Variants in KIF13B observed in about 807,000 individuals in gnomAD.
KIF13B encodes kinesin family member 13B.
KIF13B carries 127 observed loss-of-function variants against 222.0 expected under a neutral mutation model. That is an observed-to-expected ratio of 0.57 (90% CI 0.50 to 0.66). KIF13B has a LOEUF of 0.66. Among genes scored for constraint, KIF13B ranks in the 30% least tolerant of loss-of-function variants. The pLI, the probability that KIF13B is intolerant of heterozygous loss-of-function variation, is 0.00. For synonymous variants in KIF13B, 976 were observed against 919.0 expected (o/e 1.06, Z -1.12); for missense variants, 2,173 against 2,379.0 (o/e 0.91, Z 1.80).
chr8:29,192,581 C>T lies in KIF13B; in HGVS notation c.163-1524G>A, dbSNP rs562459018. 5.3e-5 allele frequency among the ~76,000 whole-genome samples: 8 copies of T among 152,236 alleles called. No homozygotes were observed. The East Asian group carries it at 5.8e-4, about 11-fold the overall frequency. On this transcript the variant is annotated intron_variant, in intron 3 of 39. Transcript: ENST00000524189. ...TGTTTTTGAGTTTGATTACATGATTCGCACATTCTAAAATATTTTATCTAT... is the reference window on the plus strand; with the variant it reads ...TGTTTTTGAGTTTGATTACATGATTTGCACATTCTAAAATATTTTATCTAT...
intron 1 of KIF13B, among the ~76,000 whole-genome samples, chr8:29,247,046 A>G (rs981625033): frequency 2.6e-5 from 4 of 152,212 alleles, no homozygotes; most frequent in African/African-American, 9.7e-5. Flanking sequence ...ATGAACACCC[A>G]AAACACAGAC....
intron 19 of KIF13B, among the ~76,000 whole-genome samples, chr8:29,141,227 G>A (rs1189874871): frequency 3.3e-5 from 5 of 151,944 alleles, no homozygotes; most frequent in Admixed American, 2.0e-4. Flanking sequence ...CCAGCTACTC[G>A]GGAGGCTGAG....
At chr8:29,163,747 C>A (rs1003727713) in intron 12 of KIF13B, among the ~76,000 whole-genome samples, 23 of 152,280 alleles carry the variant, frequency 1.5e-4, no homozygotes, top group Admixed American at 1.5e-3. Flanking sequence ...GGCAGTGCCC[C>A]CAGAAGGGAC....
intron 27 of KIF13B, among the ~76,000 whole-genome samples, 152 bp from the exon 28 acceptor site, chr8:29,123,644 T>C (rs1371299830): frequency 6.6e-6 from 1 of 152,258 alleles, no homozygotes; most frequent in Non-Finnish European, 1.5e-5. Context: ...AGAGGTCAGA[T>C]GGGCTCCTGC....
In KIF13B at chr8:29,146,525, A is replaced by G. The variant is rs779774484; in HGVS notation, c.2040T>C (p.Asn680=). 3 of 1,613,584 alleles carry G rather than the reference A, an allele frequency of 1.9e-6. No individual in the cohort carries two copies. Among genetic ancestry groups the G allele is most frequent in the Admixed American group, 3.3e-5 (2 of 59,974 alleles). ...QWAEEREATL[N]NSLMRLREQI... ...GTTCCCTCAGCCTCATCAGGCTGTT[A>G]TTCAACGTTGCTTCTCTAAAAAAAA... The change falls in exon 18 of 40, where the codon AAT becomes AAC. Residue 680 remains asparagine, a synonymous_variant. Coordinates refer to ENST00000524189, the MANE Select transcript of KIF13B (RefSeq NM_015254.4).
intron 12 of KIF13B, 74 bp from the exon 13 acceptor site, chr8:29,160,941 A>G: frequency 1.6e-6 from 2 of 1,263,036 alleles, no homozygotes; most frequent in Non-Finnish European, 2.3e-6. Context: ...TTACATTACA[A>G]TGTTACAATT....
At position 29,245,419 on chromosome 8, in the gene KIF13B, A is replaced by G. The variant is rs747627167; in HGVS notation, c.76T>C (p.Cys26Arg). The change falls in exon 2 of 40, where the codon TGT becomes CGT. Residue 26 changes from cysteine to arginine, a missense_variant. Transcript: ENST00000524189. ...NRRETDLHTK[C>R]VVDVDANKVI... ...TTGTTTGCATCCACATCCACCACAC[A>G]TTTGGTATGCAAGTCAGTCTCTGTG... The G allele has an allele frequency of 2.5e-6, 4 of 1,599,718 alleles. No homozygotes were observed. The South Asian group carries it at 4.5e-5, about 18-fold the overall frequency.
Position 29,146,843 on chromosome 8 carries a change from G to A in KIF13B, c.2025-303C>T, listed in dbSNP as rs889282860. Among the ~76,000 whole-genome samples the A allele has an allele frequency of 2.0e-5, 3 of 152,332 alleles. No homozygotes were observed. The South Asian group carries it at 6.2e-4, about 32-fold the overall frequency. Reference sequence around the variant, plus strand: ...ATTCTGTCTCAGCAGGTCTGAGGTGGAGGCCTGAAATCCTACATTTCTATC... The same window carrying A: ...ATTCTGTCTCAGCAGGTCTGAGGTGAAGGCCTGAAATCCTACATTTCTATC... On this transcript the variant is annotated intron_variant, in intron 17 of 39. Coordinates refer to ENST00000524189, the MANE Select transcript of KIF13B (RefSeq NM_015254.4).
chr8:29,230,417 C>T (rs1008351224), intron 2 of KIF13B, among the ~76,000 whole-genome samples: 1 of 152,148 alleles, frequency 6.6e-6, no homozygotes, highest in African/African-American at 2.4e-5. Context: ...AAGTTCAGTT[C>T]CTTACTATCC....
At position 29,070,142 on chromosome 8, in the gene KIF13B, T is replaced by C. The variant is rs1197803607; in HGVS notation, c.*362A>G. 6.7e-6 allele frequency: 2 copies of C among 299,536 alleles called. No homozygotes were observed. Among genetic ancestry groups the C allele is most frequent in the Non-Finnish European group, 1.3e-5 (2 of 159,662 alleles). The allele number at this position is 299,536 out of a possible 1,614,324, so 18.6% of individuals were successfully genotyped here. On this transcript the variant is annotated 3_prime_UTR_variant, in exon 40 of 40. Coordinates refer to ENST00000524189, the MANE Select transcript of KIF13B (RefSeq NM_015254.4). This position sits in a 1 kb window ranked among gnomAD's most constrained non-coding sequence, Gnocchi z 4.1. The stretch of plus-strand genomic sequence containing the variant: ...ATTATGGTTTAGGTTAAGACATTAG[T>C]GGGGCCACCAGAATGGAAATGATAG...
chr8:29,131,526 G>A (rs1317514140), intron 23 of KIF13B, among the ~76,000 whole-genome samples: 2 of 152,144 alleles, frequency 1.3e-5, no homozygotes, highest in East Asian at 1.9e-4. Context: ...AAAAGAAAAA[G>A]AAAATCTGTT....
chr8:29,206,402 A>C (rs1813942704), intron 2 of KIF13B, among the ~76,000 whole-genome samples: 1 of 152,254 alleles, frequency 6.6e-6, no homozygotes, highest in African/African-American at 2.4e-5. Context: ...GTCAGCCAGC[A>C]GGTTGAGAGA....
chr8:29,240,324 A>G (rs1363513858), intron 2 of KIF13B, among the ~76,000 whole-genome samples: 1 of 151,308 alleles, frequency 6.6e-6, no homozygotes, highest in Admixed American at 6.6e-5. Flanking sequence ...CACCCGCAGC[A>G]GGGAAAAAAA....
intron 2 of KIF13B, among the ~76,000 whole-genome samples, chr8:29,225,683 C>A (rs1208207828): frequency 6.6e-6 from 1 of 152,156 alleles, no homozygotes; most frequent in Non-Finnish European, 1.5e-5. Flanking sequence ...CTGGCTGGAT[C>A]GATTCCTGTG....
At chr8:29,175,656 T>TA (rs1225321073) in intron 10 of KIF13B, among the ~76,000 whole-genome samples, 5 of 152,196 alleles carry the variant, frequency 3.3e-5, no homozygotes, top group Admixed American at 1.3e-4. Context: ...GTCCCAAAGT[T>TA]AAACAGAAAA....
At chr8:29,136,795 G>GTTTTTTTT (rs1203051867) in intron 21 of KIF13B, among the ~76,000 whole-genome samples, 1 of 116,840 alleles carries the variant, frequency 8.6e-6, no homozygotes, top group Non-Finnish European at 1.8e-5. Flanking sequence ...CCTGTAACAG[G>GTTTTTTTT]TTTTTTTTTT....
chr8:29,156,220 C>T (rs1190758858), intron 13 of KIF13B, among the ~76,000 whole-genome samples: 1 of 152,176 alleles, frequency 6.6e-6, no homozygotes, highest in Non-Finnish European at 1.5e-5. Context: ...ATCCACCTGT[C>T]TTGGCCTCTC....
rs1810250831 is a variant in KIF13B at position 29,129,410 on chromosome 8, CTT to C, written c.3075+1121_3075+1122del. Among the ~76,000 whole-genome samples, 2 of 152,190 alleles carry C rather than the reference CTT, an allele frequency of 1.3e-5. 1 individual carries two copies. Among genetic ancestry groups the C allele is most frequent in the South Asian group, 4.1e-4 (2 of 4,836 alleles). On this transcript the variant is annotated intron_variant, in intron 24 of 39. Transcript: ENST00000524189. Reference sequence around the variant, plus strand: ...TGCTTTAATTTAAACTAATCTTTCACTTTGCTAAAATTTATTTGCTGGGGTCA... The same window carrying C: ...TGCTTTAATTTAAACTAATCTTTCACTGCTAAAATTTATTTGCTGGGGTCA...
chr8:29,094,735 C>T (rs1379124351), intron 36 of KIF13B, among the ~76,000 whole-genome samples: 2 of 152,042 alleles, frequency 1.3e-5, no homozygotes, highest in South Asian at 4.1e-4. Flanking sequence ...TAACAGACAA[C>T]GACTTTAAGG....
Sources: gnomAD v4.1 joint callset for allele counts (sites outside exome capture counted in the v4.1 genomes callset) on GRCh38, gnomAD v4.1.1 for gene constraint, Gnocchi (gnomAD v3.1) non-coding constraint, MANE v1.5 for transcripts, NCBI Gene and HGNC (gene_info 2026-07-23, HGNC 2026-07-21) for gene names.